Variants in PHF20L1 observed in about 807,000 individuals in gnomAD.
PHF20L1 encodes PHD finger protein 20-like protein 1.
A neutral mutation model predicts 125.5 loss-of-function variants in PHF20L1; 44 were observed. The ratio of observed to expected loss-of-function variants is 0.35; its 90% CI spans 0.28 to 0.45. PHF20L1 has a LOEUF of 0.45. Ranked by LOEUF, PHF20L1 falls within the 20% of genes least tolerant of loss-of-function variation. The pLI, the probability that PHF20L1 is intolerant of heterozygous loss-of-function variation, is 1.00. For missense variants in PHF20L1, 1,012 were observed against 1,217.2 expected (o/e 0.83, Z 2.51); for synonymous variants, 380 against 403.1 (o/e 0.94, Z 0.69).
chr8:132,787,088 AATACTGATGAC>A (rs1301168126), intron 2 of PHF20L1, among the ~76,000 whole-genome samples: 2 of 152,086 alleles, frequency 1.3e-5, no homozygotes, highest in African/African-American at 2.4e-5. Flanking sequence ...CTTTGAGTCA[AATACTGATGAC>A]AGGAAGATCA....
intron 2 of PHF20L1, among the ~76,000 whole-genome samples, chr8:132,785,743 A>G (rs185740096): frequency 1.3e-3 from 203 of 152,224 alleles, no homozygotes; most frequent in Non-Finnish European, 2.3e-3. Flanking sequence ...TGTTGCAGTA[A>G]AGTTGAAGGA....
chr8:132,793,833 A>G (rs1331723674), intron 2 of PHF20L1, among the ~76,000 whole-genome samples: 1 of 152,212 alleles, frequency 6.6e-6, no homozygotes, highest in Non-Finnish European at 1.5e-5. Context: ...TATGCCATAT[A>G]AAGACAGTGT....
Position 132,817,383 on chromosome 8 carries a change from C to T in PHF20L1, c.1417C>T (p.Leu473Phe). 1 of 1,612,756 alleles carries T rather than the reference C, an allele frequency of 6.2e-7. No homozygotes were observed. The highest frequency in any genetic ancestry group is 8.5e-7 in the Non-Finnish European group (1 of 1,179,182). The change falls in exon 12 of 21, where the codon CTC becomes TTC. Residue 473 changes from leucine (L) to phenylalanine (F), a missense_variant. Transcript: ENST00000395386. ...HLPLEKLGPC[L>F]PLDLSRGSEV... ...GCCACTTGAGAAGCTGGGACCCTGT[C>T]TCCCTCTTGACTTAAGTCGTGGTTC...
intron 1 of PHF20L1, among the ~76,000 whole-genome samples, chr8:132,776,644 T>C (rs1829813369): frequency 6.6e-6 from 1 of 152,208 alleles, no homozygotes; most frequent in South Asian, 2.1e-4. Context: ...TCAGACTCTT[T>C]CAAAGAGAAA....
At chr8:132,797,490 G>T (rs1270151622) in intron 4 of PHF20L1, among the ~76,000 whole-genome samples, 1 of 151,928 alleles carries the variant, frequency 6.6e-6, no homozygotes, top group African/African-American at 2.4e-5. Flanking sequence ...AAGGCAGAGA[G>T]GTATTAATGC....
chr8:132,830,647 T>C (rs1836666568), intron 14 of PHF20L1, among the ~76,000 whole-genome samples: 1 of 152,130 alleles, frequency 6.6e-6, no homozygotes, highest in South Asian at 2.1e-4. Context: ...GGGAACTTGC[T>C]CATACTCTAT....
chr8:132,837,512 A>G (rs1837494628), intron 16 of PHF20L1, among the ~76,000 whole-genome samples, 200 bp from the exon 17 acceptor site: 1 of 152,172 alleles, frequency 6.6e-6, no homozygotes, highest in South Asian at 2.1e-4. Flanking sequence ...CAACAAAAGA[A>G]AGTTCGTGAA....
chr8:132,842,889 AT>A lies in PHF20L1; in HGVS notation c.2748+19del. 1 of 1,576,574 alleles carries A rather than the reference AT, an allele frequency of 6.3e-7. No individual in the cohort carries two copies. Among genetic ancestry groups the A allele is most frequent in the Non-Finnish European group, 8.6e-7 (1 of 1,162,612 alleles). On this transcript the variant is annotated intron_variant, in intron 19 of 20. Coordinates refer to ENST00000395386, the MANE Select transcript of PHF20L1 (RefSeq NM_016018.5). ...ATGCCTGAAAAGGTAAAACTAGTTC[AT>A]TTTTCTTTGCTTGGAAACTATGAGA...
At chr8:132,814,549 A>G in intron 9 of PHF20L1, 88 bp from the exon 10 acceptor site, 1 of 865,540 alleles carries the variant, frequency 1.2e-6, no homozygotes, top group Non-Finnish European at 1.7e-6. Context: ...GTTTCTGGAT[A>G]CTAAAGTTGC....
chr8:132,840,272 T>C (rs1464468329), intron 18 of PHF20L1, among the ~76,000 whole-genome samples: 1 of 152,114 alleles, frequency 6.6e-6, no homozygotes, highest in Non-Finnish European at 1.5e-5. Context: ...ATCCTCTCCT[T>C]CCCTTCCCAT....
chr8:132,814,882 TA>T lies in PHF20L1; in HGVS notation c.1180del (p.Thr394LeufsTer7). 6.3e-7 allele frequency: 1 copy of T among 1,598,948 alleles called. No individual in the cohort carries two copies. The highest frequency in any genetic ancestry group is 8.6e-7 in the Non-Finnish European group (1 of 1,168,438). On this transcript the variant is annotated frameshift_variant, in exon 10 of 21. Transcript: ENST00000395386. LOFTEE classifies it high-confidence loss of function. ...VSQLSSSVINKTSPPQPVNPP... is the reference protein window; with the variant it reads ...VSQLSSSVINXTSPPQPVNPP... ...CTCAGCTTTCTTCTTCAGTGATAAA[TA>T]AAACTAGTGAGCACAGATTTTTAAA...
At chr8:132,793,866 A>G (rs1263296823) in intron 2 of PHF20L1, among the ~76,000 whole-genome samples, 1 of 152,176 alleles carries the variant, frequency 6.6e-6, no homozygotes, top group Non-Finnish European at 1.5e-5. Context: ...ATTTTTTGCT[A>G]GACAAAATTT....
chr8:132,786,786 A>G (rs1449003411), intron 2 of PHF20L1, among the ~76,000 whole-genome samples: 2 of 152,138 alleles, frequency 1.3e-5, no homozygotes, highest in Non-Finnish European at 2.9e-5. Context: ...TTTTAGCAAA[A>G]TAATGCATGT....
chr8:132,832,181 G>T, intron 14 of PHF20L1, 54 bp from the exon 15 acceptor site: 2 of 1,118,870 alleles, frequency 1.8e-6, no homozygotes, highest in South Asian at 2.7e-5. Flanking sequence ...TTTTTATAGT[G>T]ACCTTAATTA....
At chr8:132,803,632 C>T (rs1339460910) in intron 6 of PHF20L1, 187 bp from the exon 7 acceptor site, 7 of 545,382 alleles carry the variant, frequency 1.3e-5, no homozygotes, top group Non-Finnish European at 2.3e-5. Context: ...TGCAATCTAA[C>T]TCATTTGATT....
At chr8:132,806,582 A>G (rs1436331136) in intron 8 of PHF20L1, 1 of 152,040 alleles carries the variant, frequency 6.6e-6, no homozygotes, top group Middle Eastern at 3.2e-3. Context: ...ATTTTTCTAC[A>G]TCTATTTCTG....
chr8:132,835,993 CAG>C (rs891891031), intron 15 of PHF20L1, among the ~76,000 whole-genome samples: 4 of 151,584 alleles, frequency 2.6e-5, no homozygotes, highest in Admixed American at 1.3e-4. Flanking sequence ...CTTTACAATT[CAG>C]AGTTTTTTTT....
rs1199150609 is a variant in PHF20L1, at chr8:132,842,635, G to C, written c.2508G>C (p.Lys836Asn). 2 of 1,613,000 alleles carry C rather than the reference G, an allele frequency of 1.2e-6. No homozygotes were observed. The highest frequency in any genetic ancestry group is 1.7e-5 in the Admixed American group (1 of 59,786). Residue 836 changes from lysine (K) to asparagine (N), a missense_variant, in exon 19 of 21, where the codon AAG becomes AAC. Physicochemically the swap from Lys to Asn is moderately conservative, Grantham distance 94 (BLOSUM62 0). Around this residue, in one of 7 missense-constraint regions of PHF20L1, gnomAD observed 277 missense variants for 283.6 expected, o/e 0.98. Transcript: ENST00000395386. ...IAQDTVNREE[K>N]KYVQNHKEPP... ...AAGACACAGTTAATCGAGAAGAAAA[G>C]AAATATGTACAGAACCATAAAGAAC...
chr8:132,815,626 C>T (rs1319267297), intron 10 of PHF20L1: 1 of 151,784 alleles, frequency 6.6e-6, no homozygotes, highest in Non-Finnish European at 1.5e-5. Flanking sequence ...AATACATGAT[C>T]AGTTGAGTGA....
Sources: allele counts gnomAD v4.1 joint callset (sites outside exome capture counted in the v4.1 genomes callset), GRCh38; gene constraint gnomAD v4.1.1; regional missense constraint gnomAD v4.1.1; transcripts MANE v1.5; gene names NCBI Gene and HGNC (gene_info 2026-07-23, HGNC 2026-07-21).